The following WDFY4 variants were observed in gnomAD, a reference collection of about 807,000 sequenced individuals.
The protein encoded by WDFY4 is WD repeat- and FYVE domain-containing protein 4.
In WDFY4, 169 loss-of-function variants were observed where a neutral mutation model predicts 351.9. The ratio of observed to expected loss-of-function variants is 0.48; its 90% CI spans 0.42 to 0.55. The LOEUF is 0.55. Ranked by LOEUF, WDFY4 falls within the 20% of genes least tolerant of loss-of-function variation. The pLI is 0.00. For missense variants in WDFY4, 3,803 were observed against 3,935.6 expected (o/e 0.97, Z 0.90); for synonymous variants, 1,622 against 1,574.6 (o/e 1.03, Z -0.71).
chr10:48,838,751 G>A (rs935552094), intron 39 of WDFY4, among the ~76,000 whole-genome samples: 18 of 152,222 alleles, frequency 1.2e-4, no homozygotes, highest in African/African-American at 3.1e-4. Context: ...CCCAGACATC[G>A]TATTATTTCA....
At chr10:48,956,992 T>C in intron 51 of WDFY4, 137 bp from the exon 52 acceptor site, 1 of 1,146,426 alleles carries the variant, frequency 8.7e-7, no homozygotes, top group South Asian at 1.6e-5. Flanking sequence ...TCTGGGCTGA[T>C]GGGTACACGT....
chr10:48,897,435 A>G lies in WDFY4; in HGVS notation c.7317-19A>G, dbSNP rs989236901. ...TCTGATGTCTGAACATGTGCCCTGC[A>G]TGCCTGTTTCCTTTTCAGCATCAGC... On this transcript the variant is annotated intron_variant, in intron 44 of 61. Coordinates refer to ENST00000325239, the MANE Select transcript of WDFY4 (RefSeq NM_001394531.1). 3.9e-6 allele frequency: 6 copies of G among 1,549,510 alleles called. No individual in the cohort carries two copies. In the African/African-American group the frequency reaches 4.1e-5, roughly 11 times the overall value.
chr10:48,889,517 A>G (rs945864973), intron 43 of WDFY4, among the ~76,000 whole-genome samples: 6 of 152,004 alleles, frequency 3.9e-5, no homozygotes, highest in Middle Eastern at 3.4e-3. Flanking sequence ...TCTCCCAAAC[A>G]TATCTATTCT....
At chr10:48,978,600 G>A (rs1447232383) in intron 60 of WDFY4, 8 of 522,802 alleles carry the variant, frequency 1.5e-5, no homozygotes, top group African/African-American at 5.8e-5. Context: ...CAGCCACAAC[G>A]GCCTCAGAAT....
intron 39 of WDFY4, among the ~76,000 whole-genome samples, chr10:48,852,187 G>A (rs2068977731): frequency 6.6e-6 from 1 of 152,084 alleles, no homozygotes; most frequent in Admixed American, 6.5e-5. Flanking sequence ...AGGGCACAAA[G>A]GGCTCAAAGG....
chr10:48,796,641 T>C (rs1202427490), intron 24 of WDFY4, among the ~76,000 whole-genome samples, 191 bp downstream of exon 24: 1 of 152,224 alleles, frequency 6.6e-6, no homozygotes, highest in African/African-American at 2.4e-5. Context: ...CTGAGTGGCT[T>C]CGGACAAATC....
chr10:48,943,884 T>C (rs2133770298), intron 49 of WDFY4, among the ~76,000 whole-genome samples: 1 of 152,372 alleles, frequency 6.6e-6, no homozygotes, highest in Non-Finnish European at 1.5e-5. Flanking sequence ...CATGAGCCAC[T>C]GTGCCCGGCC....
chr10:48,776,284 A>G (rs756001114), intron 15 of WDFY4, among the ~76,000 whole-genome samples: 17 of 152,238 alleles, frequency 1.1e-4, no homozygotes, highest in Non-Finnish European at 8.8e-5. Flanking sequence ...GTAAGATCAC[A>G]TAAGACCTCA....
intron 57 of WDFY4, among the ~76,000 whole-genome samples, chr10:48,973,319 A>C (rs12573522): frequency 0.17 from 25,247 of 151,730 alleles, 2,607 homozygotes; most frequent in South Asian, 0.28. Context: ...TCACTTAGGC[A>C]GTTTTCATTT....
rs866183070 is a variant in WDFY4 at position 48,746,751 on chromosome 10, A to C, written c.2459+3203A>C. Among the ~76,000 whole-genome samples the C allele has an allele frequency of 2.0e-5, 3 of 152,192 alleles. No individual in the cohort carries two copies. In the East Asian group the frequency reaches 5.8e-4, roughly 29 times the overall value. On this transcript the variant is annotated intron_variant, in intron 12 of 61. Transcript: ENST00000325239. ...GTTGCCCTAGAGTGAATTAACAGGCATACTCATGTTTTTAGTTAAACAGTA... is the reference window on the plus strand; with the variant it reads ...GTTGCCCTAGAGTGAATTAACAGGCCTACTCATGTTTTTAGTTAAACAGTA...
At chr10:48,951,340 G>A (rs565198753) in intron 51 of WDFY4, among the ~76,000 whole-genome samples, 2 of 152,300 alleles carry the variant, frequency 1.3e-5, no homozygotes, top group South Asian at 4.1e-4. Context: ...CACTTTCTTG[G>A]AGGTGTGAAC....
In WDFY4 at chr10:48,953,354, C is replaced by CACACAG. The variant is rs1267763752; in HGVS notation, c.7978-3770_7978-3769insGACACA. Among the ~76,000 whole-genome samples the CACACAG allele has an allele frequency of 3.9e-5, 6 of 151,978 alleles. No individual in the cohort carries two copies. The East Asian group carries it at 1.2e-3, about 29-fold the overall frequency. On this transcript the variant is annotated intron_variant, in intron 51 of 61. Coordinates refer to ENST00000325239, the MANE Select transcript of WDFY4 (RefSeq NM_001394531.1). ...TCTCTCACACACACACACACACACA[C>CACACAG]ACACACAATTGCTTTCACACCAACA... is the stretch of plus-strand genomic sequence containing the variant.
Position 48,982,772 on chromosome 10 carries a change from G to A in WDFY4, c.*197G>A, listed in dbSNP as rs549137107. The A allele has an allele frequency of 1.9e-5, 12 of 621,136 alleles. No individual in the cohort carries two copies. In the East Asian group the frequency reaches 4.2e-4, roughly 22 times the overall value. The allele number at this position is 621,136 out of a possible 1,614,324, so 38.5% of individuals were successfully genotyped here. A position where few individuals can be genotyped will look rare whatever the true frequency, so the allele number is the denominator to read the frequency against. Reference sequence around the variant, plus strand: ...GATGGGACTTCTATGAAAAGGATGAGCACACACACTCGGAGGGCTGAGCAG... The same window carrying A: ...GATGGGACTTCTATGAAAAGGATGAACACACACACTCGGAGGGCTGAGCAG... On this transcript the variant is annotated 3_prime_UTR_variant, in exon 62 of 62. Transcript: ENST00000325239.
chr10:48,830,848 GGAGGAGA>G lies in WDFY4; in HGVS notation c.6490_6496del (p.Glu2164ArgfsTer10). On this transcript the variant is annotated frameshift_variant, in exon 38 of 62. Transcript: ENST00000325239. LOFTEE classifies it high-confidence loss of function. The stretch of plus-strand genomic sequence containing the variant: ...AGATTGAAGAGGTCACACCGCTCTG[GGAGGAGA>G]CGATGCTCAAGGCCTGGCAGCATTA... The G allele has an allele frequency of 6.4e-7, 1 of 1,551,624 alleles. No individual in the cohort carries two copies. Among genetic ancestry groups the G allele is most frequent in the East Asian group, 2.4e-5 (1 of 40,916 alleles).
At chr10:48,907,445 ATTC>A (rs1228135859) in intron 47 of WDFY4, among the ~76,000 whole-genome samples, 2 of 152,194 alleles carry the variant, frequency 1.3e-5, no homozygotes, top group Non-Finnish European at 2.9e-5. Flanking sequence ...AACTGTATAA[ATTC>A]TTCATATATA....
In WDFY4 at chr10:48,720,037, C is replaced by G; in HGVS notation, c.261C>G (p.Ile87Met). The G allele has an allele frequency of 6.4e-7, 1 of 1,551,784 alleles. No individual in the cohort carries two copies. Among genetic ancestry groups the G allele is most frequent in the Non-Finnish European group, 8.7e-7 (1 of 1,147,006 alleles). Residue 87 changes from isoleucine (I) to methionine (M), a missense_variant, in exon 3 of 62, where the codon ATC (isoleucine) becomes ATG (methionine). Ile to Met is a conservative substitution (Grantham distance 10, BLOSUM62 1). Around this residue, in one of 3 missense-constraint regions of WDFY4, gnomAD observed 488 missense variants for 456.8 expected, o/e 1.07. Transcript: ENST00000325239. Reference protein sequence around the residue: ...LKAWEHSVGIICFPSLQRLAE... With the variant: ...LKAWEHSVGIMCFPSLQRLAE... ...CCTGGGAACACTCCGTGGGGATCAT[C>G]TGCTTTCCCAGTCTCCAAAGGCTGG...
intron 43 of WDFY4, chr10:48,883,923 A>T (rs564107291): frequency 6.6e-6 from 1 of 152,200 alleles, no homozygotes; most frequent in Non-Finnish European, 1.5e-5. Context: ...GATTCCCAGG[A>T]CTACAAACGC....
At chr10:48,846,839 A>T (rs2068793032) in intron 39 of WDFY4, among the ~76,000 whole-genome samples, 1 of 152,190 alleles carries the variant, frequency 6.6e-6, no homozygotes. Context: ...AGTGCTGCCA[A>T]CGGCTCTACT....
At chr10:48,865,914 G>A (rs1420709009) in intron 39 of WDFY4, among the ~76,000 whole-genome samples, 1 of 151,956 alleles carries the variant, frequency 6.6e-6, no homozygotes, top group Non-Finnish European at 1.5e-5. Context: ...AATTCAGTAA[G>A]GTCAGTAGTA....
Sources: gnomAD v4.1 joint callset for allele counts (sites outside exome capture counted in the v4.1 genomes callset) on GRCh38, gnomAD v4.1.1 for gene constraint, gnomAD v4.1.1 regional missense constraint, MANE v1.5 for transcripts, NCBI Gene and HGNC (gene_info 2026-07-23, HGNC 2026-07-21) for gene names.